The following ADGRE3 variants were observed in gnomAD, a reference collection of about 807,000 sequenced individuals.
ADGRE3 encodes adhesion G protein-coupled receptor E3.
ADGRE3 carries 88 observed loss-of-function variants against 80.1 expected under a neutral mutation model. The observed-to-expected ratio is 1.10, with a 90% confidence interval of 0.93 to 1.31. ADGRE3 has a LOEUF of 1.31. ADGRE3 is among the 40% of genes most tolerant of loss of function. The probability of loss-of-function intolerance (pLI) is 0.00; values close to 1 mark genes in which losing one functional copy is unlikely to be tolerated. For synonymous variants in ADGRE3, 281 were observed against 294.8 expected, an observed-to-expected ratio of 0.95 and a Z score of 0.48; for missense variants, 715 against 776.5, an observed-to-expected ratio of 0.92 and a Z score of 0.94.
At chr19:14,668,209 C>A (rs908912833) in intron 2 of ADGRE3, among the ~76,000 whole-genome samples, 1 of 151,956 alleles carries the variant, frequency 6.6e-6, no homozygotes, top group African/African-American at 2.4e-5. Flanking sequence ...CGAGATGGCA[C>A]CACTGCACTC....
At chr19:14,655,311 T>C in intron 5 of ADGRE3, 146 bp from the exon 6 acceptor site, 2 of 682,538 alleles carry the variant, frequency 2.9e-6, no homozygotes, top group South Asian at 2.0e-5. Context: ...GTCCCAGCTT[T>C]GTGACCTTGG....
intron 1 of ADGRE3, among the ~76,000 whole-genome samples, chr19:14,670,327 C>T (rs1972220440): frequency 6.6e-6 from 1 of 152,106 alleles, no homozygotes; most frequent in Non-Finnish European, 1.5e-5. Context: ...GCATGAGTGT[C>T]CCAGCTGATG....
chr19:14,667,898 T>C (rs1303218325), intron 2 of ADGRE3, among the ~76,000 whole-genome samples: 2 of 152,190 alleles, frequency 1.3e-5, no homozygotes, highest in African/African-American at 4.8e-5. Context: ...ACCTTCATAA[T>C]GTTGTGGAAC....
intron 9 of ADGRE3, among the ~76,000 whole-genome samples, chr19:14,642,495 G>T (rs886461086): frequency 7.9e-5 from 12 of 152,126 alleles, no homozygotes; most frequent in Admixed American, 7.9e-4. Context: ...AACCCCTGTC[G>T]CGGGGGTCTC....
At chr19:14,613,623 G>A in the ADGRE3 span, among the ~76,000 whole-genome samples, 2 of 152,036 alleles carry the variant, frequency 1.3e-5, no homozygotes, top group African/African-American at 4.8e-5. Flanking sequence ...GGGAGAGGTC[G>A]GAGCTGATTT....
the ADGRE3 span, among the ~76,000 whole-genome samples, chr19:14,613,529 C>T: frequency 5.3e-5 from 8 of 152,076 alleles, no homozygotes; most frequent in South Asian, 1.5e-3. Flanking sequence ...GATCAATAAG[C>T]TCCCTTAATC....
chr19:14,625,304 A>C (rs1247403946), intron 15 of ADGRE3, among the ~76,000 whole-genome samples, 188 bp downstream of exon 15: 1 of 152,182 alleles, frequency 6.6e-6, no homozygotes, highest in African/African-American at 2.4e-5. Flanking sequence ...TACCTAGGTA[A>C]TGGGTTGATA....
chr19:14,638,415 G>T, intron 10 of ADGRE3, 75 bp from the exon 11 acceptor site: 1 of 1,141,794 alleles, frequency 8.8e-7, no homozygotes, highest in Non-Finnish European at 1.3e-6. Flanking sequence ...CTTGACATTG[G>T]CTTTGGGTTC....
intron 4 of ADGRE3, among the ~76,000 whole-genome samples, chr19:14,659,822 G>GAAAAAAAAAAAAAAAAAAAAAAAAAAAAA (rs66908687): frequency 2.2e-5 from 1 of 44,840 alleles, no homozygotes; most frequent in Non-Finnish European, 3.9e-5. Flanking sequence ...CTCTGCCTCT[G>GAAAAAAAAAAAAAAAAAAAAAAAAAAAAA]AAAAAAAAAA....
At chr19:14,657,602 G>A (rs910497276) in intron 5 of ADGRE3, among the ~76,000 whole-genome samples, 2 of 151,432 alleles carry the variant, frequency 1.3e-5, no homozygotes, top group South Asian at 2.1e-4. Context: ...CTTGGTATAC[G>A]CATGGCATTG....
Position 14,674,733 on chromosome 19 carries a change from C to A in ADGRE3, c.25+13G>T, listed in dbSNP as rs1972348996. On this transcript the variant is annotated intron_variant, in intron 1 of 15. Transcript: ENST00000253673. ...ATAGGTTAAGCCTCAGTCATTGTTA[C>A]AGTCACACATACCTGGAAGAAGCAA... 1 of 1,612,924 alleles carries A rather than the reference C, an allele frequency of 6.2e-7. No homozygotes were observed. The highest frequency in any genetic ancestry group is 1.1e-5 in the South Asian group (1 of 90,936).
At chr19:14,664,856 G>A (rs1972048169) in intron 2 of ADGRE3, among the ~76,000 whole-genome samples, 2 of 151,838 alleles carry the variant, frequency 1.3e-5, no homozygotes, top group African/African-American at 4.8e-5. Flanking sequence ...CCAACAATAA[G>A]TCTCTTATTA....
At chr19:14,660,484 C>T (rs181523800) in intron 4 of ADGRE3, among the ~76,000 whole-genome samples, 10 of 152,134 alleles carry the variant, frequency 6.6e-5, no homozygotes, top group Admixed American at 2.6e-4. Flanking sequence ...ATAAATTAGC[C>T]AGGTATGGTG....
intron 2 of ADGRE3, among the ~76,000 whole-genome samples, chr19:14,666,909 G>T (rs1972121116): frequency 6.6e-6 from 1 of 152,098 alleles, no homozygotes; most frequent in Non-Finnish European, 1.5e-5. Context: ...GAGTATACTG[G>T]TTTAAATAGT....
the ADGRE3 span, among the ~76,000 whole-genome samples, chr19:14,605,562 A>AC: frequency 6.6e-6 from 1 of 152,070 alleles, no homozygotes; most frequent in Non-Finnish European, 1.5e-5. Context: ...TCTTTCCACC[A>AC]CCCTAGAAAG....
the ADGRE3 span, among the ~76,000 whole-genome samples, chr19:14,609,609 G>A: frequency 4.0e-5 from 6 of 148,220 alleles, no homozygotes; most frequent in African/African-American, 1.0e-4. Flanking sequence ...AGGCTGAGGC[G>A]GGCGGATCAC....
intron 6 of ADGRE3, 100 bp from the exon 7 acceptor site, chr19:14,651,304 A>C: frequency 7.6e-7 from 1 of 1,309,212 alleles, no homozygotes; most frequent in East Asian, 2.3e-5. Context: ...AGTCCCAACT[A>C]CTCAAGAGGC....
At chr19:14,638,420 G>A in intron 10 of ADGRE3, 80 bp from the exon 11 acceptor site, 6 of 1,036,246 alleles carry the variant, frequency 5.8e-6, no homozygotes, top group Non-Finnish European at 2.9e-6. Flanking sequence ...CATTGGCTTT[G>A]GGTTCAGAGC....
At chr19:14,634,540 A>G (rs532637018) in intron 11 of ADGRE3, among the ~76,000 whole-genome samples, 1 of 152,286 alleles carries the variant, frequency 6.6e-6, no homozygotes, top group South Asian at 2.1e-4. Flanking sequence ...GGTGTGATTT[A>G]GGATAATAGG....
Sources: allele counts gnomAD v4.1 joint callset (sites outside exome capture counted in the v4.1 genomes callset), GRCh38; gene constraint gnomAD v4.1.1; transcripts MANE v1.5; gene names NCBI Gene and HGNC (gene_info 2026-07-23, HGNC 2026-07-21).